PCDHGA7: variants seen among roughly 807,000 people sequenced by gnomAD.
The protein encoded by PCDHGA7 is protocadherin gamma subfamily A, 7.
In PCDHGA7, 44 loss-of-function variants were observed where a neutral mutation model predicts 58.3. The observed-to-expected ratio is 0.75, with a 90% CI of 0.59 to 0.97. PCDHGA7 has a LOEUF of 0.97. PCDHGA7 is among the 50% of genes least tolerant of loss of function. The pLI, the probability that PCDHGA7 is intolerant of heterozygous loss-of-function variation, is 0.00. For missense variants in PCDHGA7, 1,266 were observed against 1,188.7 expected (o/e 1.06, Z -0.96); for synonymous variants, 516 against 504.2 (o/e 1.02, Z -0.31).
chr5:141,431,609 G>A lies in PCDHGA7; in HGVS notation c.2424+46286G>A. The A allele has an allele frequency of 6.2e-7, 1 of 1,614,232 alleles. No homozygotes were observed. The highest frequency in any genetic ancestry group is 8.5e-7 in the Non-Finnish European group (1 of 1,180,046). On this transcript the variant is annotated intron_variant, in intron 1 of 3. Coordinates refer to ENST00000518325, the MANE Select transcript of PCDHGA7 (RefSeq NM_018920.4). The surrounding 1 kb of genome is among the most constrained non-coding windows in gnomAD (Gnocchi z 4.8). ...GGAAGTGAGGTATTCCTTCCGGTAT[G>A]TGGACGACAAGGCGGCCCAAGTTTT...
rs761718852 is a variant in PCDHGA7, at chr5:141,432,440, G to A, written c.2424+47117G>A. ...GCTGGACCAGAACGACAATGCGCCCGAGATCCTGTACCCCGCCCTCCCCAC... is the reference window on the plus strand; with the variant it reads ...GCTGGACCAGAACGACAATGCGCCCAAGATCCTGTACCCCGCCCTCCCCAC... On this transcript the variant is annotated intron_variant, in intron 1 of 3. Transcript: ENST00000518325. The surrounding 1 kb of genome is among the most constrained non-coding windows in gnomAD (Gnocchi z 6.0). 1.3e-5 allele frequency: 21 copies of A among 1,614,226 alleles called. No homozygotes were observed. Among genetic ancestry groups the A allele is most frequent in the Non-Finnish European group, 1.6e-5 (19 of 1,180,048 alleles).
intron 1 of PCDHGA7, among the ~76,000 whole-genome samples, chr5:141,473,422 A>C (rs2154571673): frequency 6.6e-6 from 1 of 152,332 alleles, no homozygotes; most frequent in African/African-American, 2.4e-5. Context: ...TGGGGGAAGC[A>C]GATACTTTGC....
At chr5:141,441,775 A>G (rs1005757857) in intron 1 of PCDHGA7, 27 of 388,638 alleles carry the variant, frequency 6.9e-5, no homozygotes, top group Admixed American at 5.4e-4. Context: ...GTGTTGGTGG[A>G]CGACCTGAAT....
At chr5:141,386,929 A>G (rs1329848875) in intron 1 of PCDHGA7, among the ~76,000 whole-genome samples, 1 of 152,216 alleles carries the variant, frequency 6.6e-6, no homozygotes, top group Non-Finnish European at 1.5e-5. Context: ...AAATAAGTGC[A>G]GAGGTAGGAA....
At chr5:141,435,052 T>C (rs922871138) in intron 1 of PCDHGA7, among the ~76,000 whole-genome samples, 1 of 152,174 alleles carries the variant, frequency 6.6e-6, no homozygotes, top group African/African-American at 2.4e-5. Context: ...CCATTGACCA[T>C]GCAGCAGTTT....
In PCDHGA7 at chr5:141,486,587, G is replaced by A. The variant is rs2099631441; in HGVS notation, c.2425-8220G>A. 6.2e-7 allele frequency: 1 copy of A among 1,613,478 alleles called. No homozygotes were observed. The highest frequency in any genetic ancestry group is 1.7e-5 in the Admixed American group (1 of 60,014). On this transcript the variant is annotated intron_variant, in intron 1 of 3. Coordinates refer to ENST00000518325, the MANE Select transcript of PCDHGA7 (RefSeq NM_018920.4). The surrounding 1 kb of genome is among the most constrained non-coding windows in gnomAD (Gnocchi z 5.0). ...TGTTCCTGAGAACAATCGCCCAGGGGACCTGCTTTGCTCCCTTGCAGCCTC... is the reference window on the plus strand; with the variant it reads ...TGTTCCTGAGAACAATCGCCCAGGGAACCTGCTTTGCTCCCTTGCAGCCTC...
Position 141,412,905 on chromosome 5 carries a change from A to G in PCDHGA7, c.2424+27582A>G, listed in dbSNP as rs145108034. The stretch of plus-strand genomic sequence containing the variant: ...AACAGAATAGTTTACTTTCCATTGC[A>G]TGTATCACTTGGGTGCAGTAACTTC... On this transcript the variant is annotated intron_variant, in intron 1 of 3. Coordinates refer to ENST00000518325, the MANE Select transcript of PCDHGA7 (RefSeq NM_018920.4). 1.3e-3 allele frequency: 513 copies of G among 382,556 alleles called. 6 individuals are homozygous for G. The East Asian group carries it at 0.015, about 11-fold the overall frequency. 23.7% of individuals were successfully genotyped at this position (382,556 alleles called of 1,614,324 possible).
At chr5:141,504,203 A>G (rs2099836487) in intron 2 of PCDHGA7, among the ~76,000 whole-genome samples, 1 of 152,248 alleles carries the variant, frequency 6.6e-6, no homozygotes, top group Non-Finnish European at 1.5e-5. Context: ...TCACTGTGGG[A>G]AAATTCCAAG....
chr5:141,416,011 GGTAA>G (rs1031382322), intron 1 of PCDHGA7: 25 of 239,912 alleles, frequency 1.0e-4, no homozygotes, highest in Non-Finnish European at 3.9e-5. Flanking sequence ...GGTAAGAATA[GGTAA>G]GTATCAGAAA....
In PCDHGA7 at chr5:141,431,468, G is replaced by C. The variant is rs756718016; in HGVS notation, c.2424+46145G>C. 4 of 1,613,804 alleles carry C rather than the reference G, an allele frequency of 2.5e-6. No homozygotes were observed. Among genetic ancestry groups the C allele is most frequent in the Non-Finnish European group, 3.4e-6 (4 of 1,179,964 alleles). On this transcript the variant is annotated intron_variant, in intron 1 of 3. Coordinates refer to ENST00000518325, the MANE Select transcript of PCDHGA7 (RefSeq NM_018920.4). The surrounding 1 kb of genome is among the most constrained non-coding windows in gnomAD (Gnocchi z 4.8). Reference sequence around the variant, plus strand: ...CCGCGTGATGGTTCTGGATGCGAACGACAACGCACCAGCGTTTGCTCAGCC... The same window carrying C: ...CCGCGTGATGGTTCTGGATGCGAACCACAACGCACCAGCGTTTGCTCAGCC...
At position 141,393,973 on chromosome 5, in the gene PCDHGA7, G is replaced by A. The variant is rs776954838; in HGVS notation, c.2424+8650G>A. ...AATGGTCAAGTTGTCTGTTACACAC[G>A]TGATAATTTACCTTTTAAATTAGAA... On this transcript the variant is annotated intron_variant, in intron 1 of 3. Transcript: ENST00000518325. 3.1e-6 allele frequency: 5 copies of A among 1,613,784 alleles called. No individual in the cohort carries two copies. The South Asian group carries it at 5.5e-5, about 18-fold the overall frequency.
intron 1 of PCDHGA7, among the ~76,000 whole-genome samples, chr5:141,488,417 C>T (rs2099675171): frequency 6.6e-6 from 1 of 152,224 alleles, no homozygotes; most frequent in Non-Finnish European, 1.5e-5. Context: ...GCCAAGCCAT[C>T]CATGCTTGGC....
At chr5:141,422,705 C>A in intron 1 of PCDHGA7, 1 of 1,602,702 alleles carries the variant, frequency 6.2e-7, no homozygotes, top group East Asian at 2.2e-5. Flanking sequence ...TACTCTCTGA[C>A]GGATGACACT....
Position 141,389,843 on chromosome 5 carries a change from G to C in PCDHGA7, c.2424+4520G>C, listed in dbSNP as rs372102656. On this transcript the variant is annotated intron_variant, in intron 1 of 3. Coordinates refer to ENST00000518325, the MANE Select transcript of PCDHGA7 (RefSeq NM_018920.4). The stretch of plus-strand genomic sequence containing the variant: ...GTGACGGTGGACAGCCACCACTCTC[G>C]GCCACTGCCACGTTGCACCTGGTCT... 2.4e-5 allele frequency: 39 copies of C among 1,614,016 alleles called. No homozygotes were observed. The African/African-American group carries it at 4.1e-4, about 17-fold the overall frequency.
At chr5:141,482,116 T>C (rs1017195289) in intron 1 of PCDHGA7, among the ~76,000 whole-genome samples, 4 of 150,222 alleles carry the variant, frequency 2.7e-5, no homozygotes, top group South Asian at 2.1e-4. Context: ...TATCTAGAGA[T>C]GGGAGAATCA....
intron 1 of PCDHGA7, chr5:141,389,603 C>A: frequency 6.2e-7 from 1 of 1,613,148 alleles, no homozygotes; most frequent in Non-Finnish European, 8.5e-7. Flanking sequence ...CTGCGCTCTT[C>A]GATATGGTGC....
In PCDHGA7 at chr5:141,485,368, G is replaced by T. The variant is rs2154580406; in HGVS notation, c.2425-9439G>T. On this transcript the variant is annotated intron_variant, in intron 1 of 3. Coordinates refer to ENST00000518325, the MANE Select transcript of PCDHGA7 (RefSeq NM_018920.4). This position sits in a 1 kb window ranked among gnomAD's most constrained non-coding sequence, Gnocchi z 5.7. Reference sequence around the variant, plus strand: ...ACAGTCTGTCAGCTCGCAGGCTGCAGGTCGCTGGAGAGGTGAACCAAAGAC... The same window carrying T: ...ACAGTCTGTCAGCTCGCAGGCTGCATGTCGCTGGAGAGGTGAACCAAAGAC... The T allele has an allele frequency of 6.2e-7, 1 of 1,614,144 alleles. No individual in the cohort carries two copies. The highest frequency in any genetic ancestry group is 2.2e-5 in the East Asian group (1 of 44,866).
At chr5:141,415,937 C>T (rs939831077) in intron 1 of PCDHGA7, 8 of 587,822 alleles carry the variant, frequency 1.4e-5, no homozygotes, top group Non-Finnish European at 2.0e-5. Context: ...TATATTTCCT[C>T]CTGGGTGGTC....
intron 1 of PCDHGA7, among the ~76,000 whole-genome samples, chr5:141,474,770 G>A (rs1221980722): frequency 6.6e-6 from 1 of 152,204 alleles, no homozygotes; most frequent in African/African-American, 2.4e-5. Context: ...GAAATAGTAT[G>A]AGGCTCTAAC....
Sources: allele counts gnomAD v4.1 joint callset (sites outside exome capture counted in the v4.1 genomes callset), GRCh38; gene constraint gnomAD v4.1.1; non-coding constraint Gnocchi (gnomAD v3.1); transcripts MANE v1.5; gene names NCBI Gene and HGNC (gene_info 2026-07-23, HGNC 2026-07-21).